The following RGS6 variants were observed in gnomAD, a reference collection of about 807,000 sequenced individuals.
RGS6 encodes regulator of G protein signaling 6, also known as regulator of G-protein signaling 6.
RGS6 carries 30 observed loss-of-function variants against 78.5 expected under a neutral mutation model. The observed-to-expected ratio is 0.38, with a 90% confidence interval of 0.29 to 0.52. RGS6 has a LOEUF of 0.52. Among genes scored for constraint, RGS6 ranks in the 20% least tolerant of loss-of-function variants. RGS6 has a pLI of 0.85. For missense variants in RGS6, 495 were observed against 609.7 expected (o/e 0.81, Z 1.98); for synonymous variants, 206 against 206.0 (o/e 1.00, Z 0.00).
the RGS6 span, among the ~76,000 whole-genome samples, chr14:72,619,612 C>G: frequency 6.6e-6 from 1 of 152,206 alleles, no homozygotes; most frequent in African/African-American, 2.4e-5. Flanking sequence ...GTCGCCGGGC[C>G]TGCGCCAGTT....
chr14:72,279,643 T>C (rs573217721), intron 2 of RGS6, among the ~76,000 whole-genome samples: 5 of 152,222 alleles, frequency 3.3e-5, no homozygotes, highest in African/African-American at 1.2e-4. Flanking sequence ...GGATGAACAG[T>C]TAGTGGCCTA....
At chr14:71,877,742 T>G in the RGS6 span, among the ~76,000 whole-genome samples, 1 of 152,248 alleles carries the variant, frequency 6.6e-6, no homozygotes, top group African/African-American at 2.4e-5. Context: ...CTGCATTCCT[T>G]TGGAGGAGAA....
chr14:72,397,746 GTT>G (rs567571067), intron 3 of RGS6, among the ~76,000 whole-genome samples: 3 of 152,226 alleles, frequency 2.0e-5, no homozygotes, highest in Admixed American at 6.5e-5. Flanking sequence ...TTTATTGAGA[GTT>G]TTTTAGCATG....
chr14:72,385,153 T>A (rs1042159315), intron 3 of RGS6, among the ~76,000 whole-genome samples: 2 of 152,192 alleles, frequency 1.3e-5, no homozygotes, highest in Non-Finnish European at 2.9e-5. Context: ...TATAGGATAA[T>A]TTTCCATGAA....
chr14:72,602,750 G>A, the RGS6 span, among the ~76,000 whole-genome samples: 1 of 152,208 alleles, frequency 6.6e-6, no homozygotes, highest in Non-Finnish European at 1.5e-5. Context: ...AAAGCATACA[G>A]GAGTGCAATG....
the RGS6 span, among the ~76,000 whole-genome samples, chr14:71,871,061 G>A: frequency 1.3e-5 from 2 of 152,190 alleles, no homozygotes; most frequent in Admixed American, 6.5e-5. Context: ...AGGGGTTCCA[G>A]CTGACTTGTG....
chr14:72,134,421 A>T (rs1030590898), intron 2 of RGS6, among the ~76,000 whole-genome samples: 4 of 152,198 alleles, frequency 2.6e-5, no homozygotes, highest in African/African-American at 9.6e-5. Context: ...ATAGTGTCAC[A>T]CTTCAACAAT....
intron 2 of RGS6, among the ~76,000 whole-genome samples, chr14:72,233,690 G>C (rs577904318): frequency 6.6e-6 from 1 of 152,326 alleles, no homozygotes; most frequent in South Asian, 2.1e-4. Flanking sequence ...ACAGTGAGCA[G>C]AGGGACAGCA....
intron 2 of RGS6, among the ~76,000 whole-genome samples, chr14:72,318,381 A>G (rs1208661246): frequency 6.6e-6 from 1 of 152,010 alleles, no homozygotes. Context: ...TTCCCAGCTC[A>G]CTGACTTGAA....
rs1567106192 is a variant in RGS6, at chr14:72,052,987, C to CTTTCTTTCTTTCTTTCTTTCCT, written c.84+88113_84+88114insTTCTTTCTTTCTTTCTTTCCTT. 3.7e-5 allele frequency among the ~76,000 whole-genome samples: 2 copies of CTTTCTTTCTTTCTTTCTTTCCT among 54,138 alleles called. 1 individual carries two copies. The highest frequency in any genetic ancestry group is 1.8e-4 in the African/African-American group (2 of 11,248). 35.5% of individuals were successfully genotyped at this position (54,138 alleles called of 152,430 possible). A position where few individuals can be genotyped will look rare whatever the true frequency, so the allele number is the denominator to read the frequency against. On this transcript the variant is annotated intron_variant, in intron 2 of 17. Coordinates refer to ENST00000553525, the MANE Select transcript of RGS6 (RefSeq NM_001204424.2). ...TTTCTTTCTTTCTTTCTTTCTTTCT[C>CTTTCTTTCTTTCTTTCTTTCCT]TCTCTCTCTCTCTCTCTCTTTCTTT...
At chr14:72,374,515 A>T (rs2084221422) in intron 3 of RGS6, among the ~76,000 whole-genome samples, 1 of 152,240 alleles carries the variant, frequency 6.6e-6, no homozygotes, top group Admixed American at 6.5e-5. Flanking sequence ...AATACTATGC[A>T]GCCATAAAAA....
intron 2 of RGS6, among the ~76,000 whole-genome samples, chr14:72,161,668 G>T (rs931506867): frequency 6.6e-6 from 1 of 152,206 alleles, no homozygotes; most frequent in Non-Finnish European, 1.5e-5. Flanking sequence ...AGTTTCTAAC[G>T]TAATTCTGGG....
the RGS6 span, among the ~76,000 whole-genome samples, chr14:71,922,783 G>A: frequency 6.6e-6 from 1 of 152,160 alleles, no homozygotes; most frequent in Admixed American, 6.5e-5. Flanking sequence ...TACTGGCCAG[G>A]TATTTTGTAG....
At chr14:72,478,890 C>G (rs1044345984) in intron 12 of RGS6, among the ~76,000 whole-genome samples, 4 of 152,212 alleles carry the variant, frequency 2.6e-5, no homozygotes, top group African/African-American at 9.6e-5. Flanking sequence ...AGTTCCACTC[C>G]GTTAACTCAT....
At chr14:72,348,496 G>A (rs2078487301) in intron 2 of RGS6, among the ~76,000 whole-genome samples, 1 of 152,150 alleles carries the variant, frequency 6.6e-6, no homozygotes, top group Admixed American at 6.5e-5. Flanking sequence ...TTTTCATTGG[G>A]TCTGTACTCT....
At chr14:72,304,813 G>A (rs1333656067) in intron 2 of RGS6, among the ~76,000 whole-genome samples, 2 of 152,166 alleles carry the variant, frequency 1.3e-5, no homozygotes, top group Non-Finnish European at 2.9e-5. Flanking sequence ...CCAGGAGGTA[G>A]AGGTTGCCAT....
At chr14:72,561,603 T>G (rs1327386858) in intron 17 of RGS6, among the ~76,000 whole-genome samples, 2 of 152,110 alleles carry the variant, frequency 1.3e-5, no homozygotes. Context: ...CTCCGCCATC[T>G]CTCCAGGGCA....
chr14:72,290,075 G>A (rs887811871), intron 2 of RGS6, among the ~76,000 whole-genome samples: 1 of 152,170 alleles, frequency 6.6e-6, no homozygotes, highest in African/African-American at 2.4e-5. Flanking sequence ...TTTTGGCATG[G>A]TGAATCATAA....
intron 2 of RGS6, among the ~76,000 whole-genome samples, chr14:72,337,571 G>A (rs941497220): frequency 3.9e-5 from 6 of 152,182 alleles, no homozygotes; most frequent in Admixed American, 1.3e-4. Flanking sequence ...TGACCTGGCC[G>A]GTTCGATGAG....
Sources: gnomAD v4.1 joint callset for allele counts (sites outside exome capture counted in the v4.1 genomes callset) on GRCh38, gnomAD v4.1.1 for gene constraint, MANE v1.5 for transcripts, NCBI Gene and HGNC (gene_info 2026-07-23, HGNC 2026-07-21) for gene names.